Variants in PHACTR3 observed in about 807,000 individuals in gnomAD.
PHACTR3 encodes the protein protein phosphatase 1, regulatory subunit 123.
PHACTR3 carries 16 observed loss-of-function variants against 66.8 expected under a neutral mutation model. The ratio of observed to expected loss-of-function variants is 0.24; its 90% CI spans 0.16 to 0.36. PHACTR3 has a LOEUF of 0.36. Among genes scored for constraint, PHACTR3 ranks in the 10% least tolerant of loss-of-function variants. The pLI is 1.00. For missense variants in PHACTR3, 647 were observed against 719.9 expected (o/e 0.90, Z 1.16); for synonymous variants, 323 against 292.1 (o/e 1.11, Z -1.08).
chr20:59,755,663 G>A (rs2039764407), intron 4 of PHACTR3, among the ~76,000 whole-genome samples: 1 of 152,148 alleles, frequency 6.6e-6, no homozygotes. Flanking sequence ...GTTTCCCTGG[G>A]AACTTCTAGG....
At chr20:59,794,924 C>A (rs1161374793) in intron 7 of PHACTR3, among the ~76,000 whole-genome samples, 1 of 152,006 alleles carries the variant, frequency 6.6e-6, no homozygotes, top group African/African-American at 2.4e-5. Context: ...ATTTCTTAGT[C>A]TAAAGATTTG....
chr20:59,796,373 G>T (rs1305425232), intron 7 of PHACTR3, among the ~76,000 whole-genome samples: 2 of 152,016 alleles, frequency 1.3e-5, no homozygotes, highest in Non-Finnish European at 2.9e-5. Context: ...CTTCATACTA[G>T]AGATTTGAAA....
chr20:59,632,741 C>T (rs909915777), intron 1 of PHACTR3, among the ~76,000 whole-genome samples: 1 of 152,164 alleles, frequency 6.6e-6, no homozygotes, highest in African/African-American at 2.4e-5. Context: ...TGGCTTTGCC[C>T]AGATCACAGG....
Position 59,767,217 on chromosome 20 carries a change from A to C in PHACTR3, c.573A>C (p.Glu191Asp). The C allele has an allele frequency of 2.5e-6, 4 of 1,614,256 alleles. No homozygotes were observed. Among genetic ancestry groups the C allele is most frequent in the Non-Finnish European group, 3.4e-6 (4 of 1,180,050 alleles). Residue 191 changes from glutamate to aspartate, a missense_variant, in exon 5 of 13, where the codon GAA (glutamate) becomes GAC (aspartate). This residue lies in a region of PHACTR3 where 577 missense variants were observed against 571.1 expected (regional missense o/e 1.01). Transcript: ENST00000371015. ...TGCCTTCTGCATCCAGTGGTGAAGA[A>C]GCAGACGCTGGCAGCCTCCTGCCCA... ...AKMPSASSGEEADAGSLLPTT... is the reference protein window; with the variant it reads ...AKMPSASSGEDADAGSLLPTT...
rs939016954 is a variant in PHACTR3, at chr20:59,829,888, G to A, written c.1329-6617G>A. On this transcript the variant is annotated intron_variant, in intron 8 of 12. Transcript: ENST00000371015. This position sits in a 1 kb window ranked among gnomAD's most constrained non-coding sequence, Gnocchi z 4.2. ...TGAGATCAAGATTTGGGGGATGTGC[G>A]TTTAGTGGGGCAGCCTGGCTGGGTG... is the stretch of plus-strand genomic sequence containing the variant. Among the ~76,000 whole-genome samples the A allele has an allele frequency of 3.3e-5, 5 of 152,220 alleles. No homozygotes were observed. The highest frequency in any genetic ancestry group is 2.1e-4 in the South Asian group (1 of 4,830).
intron 7 of PHACTR3, among the ~76,000 whole-genome samples, chr20:59,785,886 GTT>G (rs2040895397): frequency 8.5e-5 from 1 of 11,718 alleles, no homozygotes; most frequent in Non-Finnish European, 1.1e-3. Context: ...ACTTCATTTT[GTT>G]TTCCAACGGC....
chr20:59,591,852 GTAAAAA>G (rs2033190597), intron 1 of PHACTR3, among the ~76,000 whole-genome samples: 2 of 152,104 alleles, frequency 1.3e-5, no homozygotes, highest in South Asian at 4.2e-4. Context: ...GATATATATG[GTAAAAA>G]TATAAAGAAT....
At chr20:59,700,661 A>T (rs1243319746) in intron 1 of PHACTR3, among the ~76,000 whole-genome samples, 1 of 152,204 alleles carries the variant, frequency 6.6e-6, no homozygotes, top group African/African-American at 2.4e-5. Flanking sequence ...GAGAGTGAGC[A>T]GGTGGGGGCA....
intron 4 of PHACTR3, among the ~76,000 whole-genome samples, chr20:59,766,379 A>G (rs1329170842): frequency 6.6e-6 from 1 of 152,240 alleles, no homozygotes; most frequent in Non-Finnish European, 1.5e-5. Flanking sequence ...CCAGAGAGTT[A>G]AATGGAAAGG....
intron 1 of PHACTR3, chr20:59,628,513 C>T (rs1009302044): frequency 1.5e-4 from 72 of 495,350 alleles, no homozygotes; most frequent in Non-Finnish European, 1.6e-4. Flanking sequence ...GGAGTGCAGC[C>T]GTGCATGGGG....
chr20:59,841,506 C>G lies in PHACTR3; in HGVS notation c.1558C>G (p.Pro520Ala), dbSNP rs768388477. 6.2e-7 allele frequency: 1 copy of G among 1,613,396 alleles called. No individual in the cohort carries two copies. Among genetic ancestry groups the G allele is most frequent in the Non-Finnish European group, 8.5e-7 (1 of 1,179,618 alleles). Reference sequence around the variant, plus strand: ...GGACTATGACAGGAGGGCAGACAAACCCTGGACGAGACTGTCAGCAGCAGA... The same window carrying G: ...GGACTATGACAGGAGGGCAGACAAAGCCTGGACGAGACTGTCAGCAGCAGA... The part of the protein sequence containing the change: ...AQDYDRRADK[P>A]WTRLSAADKA... The change falls in exon 11 of 13, where the codon CCC becomes GCC. Residue 520 changes from proline to alanine, a missense_variant. Pro to Ala is a conservative substitution (Grantham distance 27). Around this residue, in one of 2 missense-constraint regions of PHACTR3, gnomAD observed 70 missense variants for 148.8 expected, o/e 0.47. Coordinates refer to ENST00000371015, the MANE Select transcript of PHACTR3 (RefSeq NM_080672.5).
chr20:59,628,949 G>A, intron 1 of PHACTR3: 1 of 389,692 alleles, frequency 2.6e-6, no homozygotes, highest in Non-Finnish European at 3.5e-6. Flanking sequence ...ATGGTTCACT[G>A]GTTGGCACCA....
chr20:59,700,994 A>G (rs866529), intron 1 of PHACTR3, among the ~76,000 whole-genome samples: 92,691 of 151,750 alleles, frequency 0.61, 29,623 homozygotes, highest in East Asian at 0.94. Context: ...GTCTCACTAC[A>G]TTGCCCAGGC....
intron 1 of PHACTR3, among the ~76,000 whole-genome samples, chr20:59,681,583 A>G (rs1287327554): frequency 6.6e-6 from 1 of 152,236 alleles, no homozygotes; most frequent in Middle Eastern, 3.2e-3. Context: ...TTCAAGAGCC[A>G]AACAGATATC....
In PHACTR3 at chr20:59,605,039, GGCT is replaced by G; in HGVS notation, c.28_30del (p.Cys10del). On this transcript the variant is annotated inframe_deletion, in exon 1 of 13. Transcript: ENST00000371015. The stretch of plus-strand genomic sequence containing the variant: ...CATGGCCGCGTCGGAGGACGGGAGC[GGCT>G]GCCTCGTGTCGCGGGGCCGCTCGCA... 1 of 1,369,910 alleles carries G rather than the reference GGCT, an allele frequency of 7.3e-7. No individual in the cohort carries two copies. Among genetic ancestry groups the G allele is most frequent in the Non-Finnish European group, 9.5e-7 (1 of 1,053,208 alleles). 84.9% of individuals were successfully genotyped at this position (1,369,910 alleles called of 1,614,324 possible). A position where few individuals can be genotyped will look rare whatever the true frequency, so the allele number is the denominator to read the frequency against.
intron 1 of PHACTR3, among the ~76,000 whole-genome samples, chr20:59,672,295 C>T (rs2036222467): frequency 6.6e-6 from 1 of 152,244 alleles, no homozygotes; most frequent in Non-Finnish European, 1.5e-5. Flanking sequence ...GAGTCCCTGT[C>T]CCAATGCTGC....
In PHACTR3 at chr20:59,582,921, T is replaced by A. The variant is rs752843177; in HGVS notation, c.109+5304T>A. ...AGCTTTTAGTTCTGATGTGGTAAAATGTATCCAGCTTTTTTTTTGTTTTTG... is the reference window on the plus strand; with the variant it reads ...AGCTTTTAGTTCTGATGTGGTAAAAAGTATCCAGCTTTTTTTTTGTTTTTG... On this transcript the variant is annotated intron_variant, in intron 1 of 12. Transcript: ENST00000359926. Among the ~76,000 whole-genome samples, 7 of 151,940 alleles carry A rather than the reference T, an allele frequency of 4.6e-5. No individual in the cohort carries two copies. The East Asian group carries it at 1.3e-3, about 29-fold the overall frequency.
chr20:59,785,010 CGAGGGTGG>C (rs1328972047), intron 7 of PHACTR3, among the ~76,000 whole-genome samples: 9 of 108,066 alleles, frequency 8.3e-5, no homozygotes, highest in Non-Finnish European at 1.5e-4. Context: ...CAGGACTTTC[CGAGGGTGG>C]GAGGGTGGGC....
At chr20:59,725,125 G>A (rs968728597) in intron 1 of PHACTR3, among the ~76,000 whole-genome samples, 4 of 151,426 alleles carry the variant, frequency 2.6e-5, no homozygotes, top group African/African-American at 9.7e-5. Flanking sequence ...AGTTCAGTGA[G>A]GCTATGCACT....
Sources: gnomAD v4.1 joint callset for allele counts (sites outside exome capture counted in the v4.1 genomes callset) on GRCh38, gnomAD v4.1.1 for gene constraint, gnomAD v4.1.1 regional missense constraint, Gnocchi (gnomAD v3.1) non-coding constraint, MANE v1.5 for transcripts, NCBI Gene and HGNC (gene_info 2026-07-23, HGNC 2026-07-21) for gene names.